The following GPHN variants were observed in gnomAD, a reference collection of about 807,000 sequenced individuals.
GPHN encodes gephyrin.
GPHN carries 17 observed loss-of-function variants against 95.5 expected under a neutral mutation model. That is an observed-to-expected ratio of 0.18 (90% CI 0.12 to 0.27). The LOEUF (loss-of-function observed/expected upper bound fraction) is 0.27. Among genes scored for constraint, GPHN ranks in the 10% least tolerant of loss-of-function variants. The pLI, the probability that GPHN is intolerant of heterozygous loss-of-function variation, is 1.00. For missense variants in GPHN, 660 were observed against 978.1 expected, an observed-to-expected ratio of 0.67 and a Z score of 4.34; for synonymous variants, 320 against 322.5, an observed-to-expected ratio of 0.99 and a Z score of 0.08.
At chr14:67,382,698 CA>C in the GPHN span, 1 of 1,286,990 alleles carries the variant, frequency 7.8e-7, no homozygotes, top group Non-Finnish European at 1.1e-6. Flanking sequence ...GTAGGATGGT[CA>C]TTCAGGCCTT....
chr14:67,387,457 C>A, the GPHN span: 2 of 1,599,700 alleles, frequency 1.3e-6, no homozygotes, highest in East Asian at 2.3e-5. Flanking sequence ...CCTTTAACCC[C>A]TAGGCAGAAA....
chr14:67,552,777 A>AC, the GPHN span, among the ~76,000 whole-genome samples: 1 of 149,948 alleles, frequency 6.7e-6, no homozygotes, highest in African/African-American at 2.5e-5. Context: ...AAAAAAAAAA[A>AC]ACAAAAACAA....
At chr14:67,427,932 T>TG in the GPHN span, among the ~76,000 whole-genome samples, 6 of 151,338 alleles carry the variant, frequency 4.0e-5, no homozygotes, top group South Asian at 1.3e-3. Flanking sequence ...GCCCTTTTTT[T>TG]TTTTTTTGAG....
the GPHN span, among the ~76,000 whole-genome samples, chr14:67,664,109 G>C: frequency 6.6e-6 from 1 of 152,170 alleles, no homozygotes. Flanking sequence ...TTTCAAGACA[G>C]AGTCTCACTG....
chr14:67,340,548 A>G, the GPHN span: 2 of 1,567,822 alleles, frequency 1.3e-6, no homozygotes, highest in Admixed American at 1.7e-5. Flanking sequence ...AATATGTGTG[A>G]GAACTTCAAA....
At chr14:66,831,543 A>T (rs566587284) in intron 4 of GPHN, among the ~76,000 whole-genome samples, 9 of 152,258 alleles carry the variant, frequency 5.9e-5, no homozygotes, top group African/African-American at 2.2e-4. Context: ...CTTTGTCTAA[A>T]CACGTTGGCA....
intron 2 of GPHN, among the ~76,000 whole-genome samples, chr14:66,719,786 A>T (rs554868377): frequency 1.1e-4 from 16 of 152,358 alleles, no homozygotes; most frequent in African/African-American, 2.9e-4. Flanking sequence ...AGGAAACATC[A>T]TAGATAACCT....
intron 5 of GPHN, among the ~76,000 whole-genome samples, chr14:66,886,418 A>G (rs1419029161): frequency 6.6e-6 from 1 of 152,202 alleles, no homozygotes; most frequent in African/African-American, 2.4e-5. Context: ...ATTGTAGGCT[A>G]GTAAATCTCT....
At chr14:67,626,127 T>C in the GPHN span, among the ~76,000 whole-genome samples, 3 of 151,680 alleles carry the variant, frequency 2.0e-5, no homozygotes, top group African/African-American at 7.3e-5. Context: ...GGTGGCACAC[T>C]CCTGTAGTCC....
At chr14:67,104,589 T>G (rs138313885) in intron 13 of GPHN, among the ~76,000 whole-genome samples, 456 of 152,286 alleles carry the variant, frequency 3.0e-3, no homozygotes, top group African/African-American at 0.011. Flanking sequence ...CTTGGTAGAT[T>G]GTATGTATTG....
intron 16 of GPHN, among the ~76,000 whole-genome samples, chr14:67,113,962 A>C (rs1197100945): frequency 6.6e-6 from 1 of 152,190 alleles, no homozygotes; most frequent in African/African-American, 2.4e-5. Flanking sequence ...CTTACTATTA[A>C]AGAAAAGATT....
At chr14:67,386,110 TCAAAC>T in the GPHN span, 1 of 152,654 alleles carries the variant, frequency 6.6e-6, no homozygotes, top group African/African-American at 2.4e-5. Flanking sequence ...CAGGAAGCCA[TCAAAC>T]TAAACGTAGT....
rs141304965 is a variant in GPHN, at chr14:66,875,423, T to C, written c.295-4516T>C. 5.5e-3 allele frequency among the ~76,000 whole-genome samples: 833 copies of C among 152,028 alleles called. 3 individuals are homozygous for C. Among genetic ancestry groups the C allele is most frequent in the African/African-American group, 0.019 (795 of 41,380 alleles). On this transcript the variant is annotated intron_variant, in intron 4 of 22. Transcript: ENST00000478722. ...CACATAACAATGTTAACCTTAAATG[T>C]AAATGGGCTAAATGCCCCCAATTAA...
At chr14:67,698,599 A>G in the GPHN span, among the ~76,000 whole-genome samples, 2 of 152,254 alleles carry the variant, frequency 1.3e-5, no homozygotes, top group Non-Finnish European at 2.9e-5. Flanking sequence ...GAGAAACTAC[A>G]CAACAATTTG....
the GPHN span, among the ~76,000 whole-genome samples, chr14:67,512,483 CA>C: frequency 2.6e-5 from 4 of 152,154 alleles, no homozygotes; most frequent in African/African-American, 9.7e-5. Context: ...AATGTTCCTG[CA>C]ATTCAAAAAT....
intron 8 of GPHN, among the ~76,000 whole-genome samples, chr14:66,933,138 A>G (rs1486747483): frequency 6.6e-6 from 1 of 152,238 alleles, no homozygotes; most frequent in Non-Finnish European, 1.5e-5. Flanking sequence ...GTTTCCTGTG[A>G]CAAATGACAG....
At chr14:67,070,715 A>AAAAAAAATATATATATATATATATATAT in intron 11 of GPHN, among the ~76,000 whole-genome samples, 1 of 80,698 alleles carries the variant, frequency 1.2e-5, no homozygotes, top group East Asian at 4.5e-4. Context: ...AAAAAAAAAA[A>AAAAAAAATATATATATATATATATATAT]ATATATATAT....
At chr14:66,745,361 G>C (rs1371712301) in intron 2 of GPHN, among the ~76,000 whole-genome samples, 1 of 151,982 alleles carries the variant, frequency 6.6e-6, no homozygotes. Context: ...GAATACTTCA[G>C]CATGTTTCCC....
At chr14:66,654,862 A>G (rs1489346381) in intron 1 of GPHN, among the ~76,000 whole-genome samples, 1 of 152,094 alleles carries the variant, frequency 6.6e-6, no homozygotes, top group African/African-American at 2.4e-5. Context: ...TTGCCTATGG[A>G]TATGCACTTG....
Sources: allele counts gnomAD v4.1 joint callset (sites outside exome capture counted in the v4.1 genomes callset), GRCh38; gene constraint gnomAD v4.1.1; transcripts MANE v1.5; gene names NCBI Gene and HGNC (gene_info 2026-07-23, HGNC 2026-07-21).